The following RPH3AL variants were observed in gnomAD, a reference collection of about 807,000 sequenced individuals.
RPH3AL encodes rab effector Noc2.
RPH3AL carries 38 observed loss-of-function variants against 43.1 expected under a neutral mutation model. That is an observed-to-expected ratio of 0.88 (90% CI 0.68 to 1.15). The LOEUF (loss-of-function observed/expected upper bound fraction) is 1.15, where lower values mean the gene tolerates loss of function less well. Among genes scored for constraint, RPH3AL ranks in the 50% most tolerant of loss-of-function variants. RPH3AL has a pLI of 0.00. For missense variants in RPH3AL, 462 were observed against 423.2 expected, an observed-to-expected ratio of 1.09 and a Z score of -0.81; for synonymous variants, 189 against 176.3, an observed-to-expected ratio of 1.07 and a Z score of -0.57.
chr17:219,540 TTTG>T, intron 8 of RPH3AL, 80 bp downstream of exon 8: 5 of 334,216 alleles, frequency 1.5e-5, no homozygotes, highest in South Asian at 1.1e-4. Context: ...TTTTTTTTTT[TTTG>T]AGATGGAGTT....
At chr17:261,459 C>T (rs11656900) in intron 6 of RPH3AL, among the ~76,000 whole-genome samples, 5,757 of 152,246 alleles carry the variant, frequency 0.038, 143 homozygotes, top group South Asian at 0.12. Context: ...TCAGCCAGCC[C>T]CTTGATCTTG....
chr17:308,244 G>A (rs2043551717), intron 5 of RPH3AL, among the ~76,000 whole-genome samples: 2 of 152,222 alleles, frequency 1.3e-5, no homozygotes, highest in Admixed American at 6.5e-5. Flanking sequence ...CTGAGGATTA[G>A]CTTTGGAAAG....
At chr17:241,711 C>CTTTTTTTTTTTTTTTTTTTTTTT (rs1001979455) in intron 7 of RPH3AL, among the ~76,000 whole-genome samples, 8 of 92,790 alleles carry the variant, frequency 8.6e-5, no homozygotes, top group Non-Finnish European at 1.6e-4. Context: ...GTTTCTTTTT[C>CTTTTTTTTTTTTTTTTTTTTTTT]TTTTTTTTTC....
chr17:243,133 TCTA>T lies in RPH3AL; in HGVS notation c.613+3975_613+3977del, dbSNP rs758561094. On this transcript the variant is annotated intron_variant, in intron 7 of 9. Coordinates refer to ENST00000331302, the MANE Select transcript of RPH3AL (RefSeq NM_006987.4). ...ACCTTCCTCTACTGATTGCCCCTCCTCTACTGATTGCCCCTCCTCTATTGATTA... is the reference window on the plus strand; with the variant it reads ...ACCTTCCTCTACTGATTGCCCCTCCTCTGATTGCCCCTCCTCTATTGATTA... 6.4e-5 allele frequency among the ~76,000 whole-genome samples: 9 copies of T among 139,754 alleles called. No individual in the cohort carries two copies. In the South Asian group the frequency reaches 1.8e-3, roughly 27 times the overall value. The allele number at this position is 139,754 out of a possible 152,430, so 91.7% of individuals were successfully genotyped here.
At chr17:291,757 G>A (rs1158507318) in intron 5 of RPH3AL, among the ~76,000 whole-genome samples, 1 of 152,192 alleles carries the variant, frequency 6.6e-6, no homozygotes, top group Non-Finnish European at 1.5e-5. Context: ...CAACGAAGCT[G>A]TGTGGGGCAA....
Position 234,285 on chromosome 17 carries a change from A to C in RPH3AL, c.613+12826T>G, listed in dbSNP as rs531175380. 4.0e-3 allele frequency: 524 copies of C among 130,796 alleles called. 51 individuals carry two copies. Among genetic ancestry groups the C allele is most frequent in the African/African-American group, 0.02 (474 of 23,984 alleles). The allele number at this position is 130,796 out of a possible 1,614,324, so 8.1% of individuals were successfully genotyped here. ...TTCCCTGAGCAGGGAGCGGCTACTT[A>C]CCCTGACCAACTTTCCCCCAAGCGG... is the stretch of plus-strand genomic sequence containing the variant. On this transcript the variant is annotated intron_variant, in intron 7 of 9. Coordinates refer to ENST00000331302, the MANE Select transcript of RPH3AL (RefSeq NM_006987.4).
chr17:335,437 G>A (rs988822457), intron 1 of RPH3AL, among the ~76,000 whole-genome samples: 25 of 152,062 alleles, frequency 1.6e-4, no homozygotes, highest in South Asian at 2.1e-4. Context: ...CCTCTGAGCC[G>A]CTGCATCACG....
At chr17:247,421 C>T (rs1347904056) in intron 6 of RPH3AL, 136 bp from the exon 7 acceptor site, 3 of 843,224 alleles carry the variant, frequency 3.6e-6, no homozygotes, top group Non-Finnish European at 5.3e-6. Context: ...TCTGCCCTCC[C>T]TGGCTGATGG....
At chr17:352,666 G>A (rs1283533524) in intron 1 of RPH3AL, 46 bp downstream of exon 1, 1 of 152,270 alleles carries the variant, frequency 6.6e-6, no homozygotes, top group African/African-American at 2.4e-5. Context: ...GGAAAACAGA[G>A]GCATCTTCCA....
In RPH3AL at chr17:321,346, C is replaced by T. The variant is rs78269977; in HGVS notation, c.147G>A (p.Pro49=). The part of the protein sequence containing the change: ...EKQRRKQHLS[P]AEVEAILQVI... Reference sequence around the variant, plus strand: ...CCTGCAGGATGGCCTCCACCTCCGCCGGGCTGAGGTGCTGCTTCCTCCTCT... The same window carrying T: ...CCTGCAGGATGGCCTCCACCTCCGCTGGGCTGAGGTGCTGCTTCCTCCTCT... The change falls in exon 4 of 10, where the codon CCG becomes CCA. Residue 49 remains proline (P), a synonymous_variant. Coordinates refer to ENST00000331302, the MANE Select transcript of RPH3AL (RefSeq NM_006987.4). 9.1e-5 allele frequency: 146 copies of T among 1,611,604 alleles called. No homozygotes were observed. Among genetic ancestry groups the T allele is most frequent in the African/African-American group, 5.1e-4 (38 of 74,968 alleles).
At chr17:348,014 A>T (rs2045274465) in intron 1 of RPH3AL, among the ~76,000 whole-genome samples, 1 of 151,682 alleles carries the variant, frequency 6.6e-6, no homozygotes, top group Admixed American at 6.6e-5. Flanking sequence ...AAAAAAAAAA[A>T]AATTAAATTA....
intron 1 of RPH3AL, among the ~76,000 whole-genome samples, chr17:347,025 G>C (rs947415246): frequency 2.2e-5 from 3 of 135,196 alleles, no homozygotes; most frequent in African/African-American, 7.6e-5. Context: ...TTGGGAGGCC[G>C]AGGCGGGAGG....
intron 5 of RPH3AL, among the ~76,000 whole-genome samples, chr17:316,173 GCTCC>G (rs2044158711): frequency 8.1e-6 from 1 of 122,876 alleles, no homozygotes; most frequent in Non-Finnish European, 1.7e-5. Context: ...TAGTCCCTGT[GCTCC>G]ACCTCCACTG....
At chr17:348,535 G>A (rs201523634) in intron 1 of RPH3AL, among the ~76,000 whole-genome samples, 1,216 of 138,638 alleles carry the variant, frequency 8.8e-3, no homozygotes, top group Non-Finnish European at 9.9e-3. Context: ...CACTGTTCAA[G>A]AAAAAAAAAA....
intron 5 of RPH3AL, among the ~76,000 whole-genome samples, chr17:301,471 TTTTTGTA>T (rs1567627771): frequency 6.6e-6 from 1 of 152,116 alleles, no homozygotes; most frequent in Non-Finnish European, 1.5e-5. Flanking sequence ...GCCTGGCTAA[TTTTTGTA>T]TTTTTTTGTA....
chr17:322,284 C>T lies in RPH3AL; in HGVS notation c.78-869G>A, dbSNP rs1475288480. 1 of 152,282 alleles carries T rather than the reference C, an allele frequency of 6.6e-6. No homozygotes were observed. The highest frequency in any genetic ancestry group is 2.4e-5 in the African/African-American group (1 of 41,424). The allele number at this position is 152,282 out of a possible 1,614,324, so 9.4% of individuals were successfully genotyped here. A position where few individuals can be genotyped will look rare whatever the true frequency, so the allele number is the denominator to read the frequency against. ...CAGGGAGAGAGTGGCAGCAGCAGAT[C>T]AAACCCCGGAGCCCCTGCCCTGGGT... is the stretch of plus-strand genomic sequence containing the variant. On this transcript the variant is annotated intron_variant, in intron 3 of 9. Coordinates refer to ENST00000331302, the MANE Select transcript of RPH3AL (RefSeq NM_006987.4). This position sits in a 1 kb window ranked among gnomAD's most constrained non-coding sequence, Gnocchi z 4.0.
intron 5 of RPH3AL, among the ~76,000 whole-genome samples, chr17:301,783 A>G (rs574855769): frequency 6.6e-6 from 1 of 152,224 alleles, no homozygotes; most frequent in South Asian, 2.1e-4. Context: ...CCTGGCCTGT[A>G]GGCAAAGTTC....
At chr17:340,770 A>T (rs1409482331) in intron 1 of RPH3AL, among the ~76,000 whole-genome samples, 2 of 11,186 alleles carry the variant, frequency 1.8e-4, no homozygotes, top group African/African-American at 5.4e-4. Flanking sequence ...ACTGCCTCCC[A>T]CCCAGGCCTC....
rs560863074 is a variant in RPH3AL, at chr17:285,882, C to T, written c.352-4028G>A. On this transcript the variant is annotated intron_variant, in intron 5 of 9. Transcript: ENST00000331302. ...CTATCTCCACCCCCATCCCGTCTAG[C>T]GCTCACCTCCCCTGCGATTCACTAA... Among the ~76,000 whole-genome samples, 7 of 152,302 alleles carry T rather than the reference C, an allele frequency of 4.6e-5. No homozygotes were observed. In the East Asian group the frequency reaches 5.8e-4, roughly 13 times the overall value.
Sources: allele counts gnomAD v4.1 joint callset (sites outside exome capture counted in the v4.1 genomes callset), GRCh38; gene constraint gnomAD v4.1.1; non-coding constraint Gnocchi (gnomAD v3.1); transcripts MANE v1.5; gene names NCBI Gene and HGNC (gene_info 2026-07-23, HGNC 2026-07-21).